The following RIF1 variants were observed in gnomAD, a reference collection of about 807,000 sequenced individuals.
The protein encoded by RIF1 is telomere-associated protein RIF1.
In RIF1, 45 loss-of-function variants were observed where a neutral mutation model predicts 247.1. That is an observed-to-expected ratio of 0.18 (90% CI 0.14 to 0.23). The LOEUF (loss-of-function observed/expected upper bound fraction) is 0.23, where lower values mean the gene tolerates loss of function less well. RIF1 is among the 10% of genes least tolerant of loss of function. The pLI is 1.00. For missense variants in RIF1, 2,967 were observed against 2,862.5 expected (o/e 1.04, Z -0.83); for synonymous variants, 1,087 against 978.8 (o/e 1.11, Z -2.06).
At chr2:151,499,544 A>G (rs2062854754) in intron 11 of RIF1, 1 of 521,934 alleles carries the variant, frequency 1.9e-6, no homozygotes. Context: ...GATCTGGGTG[A>G]GAACATGTTT....
the RIF1 span, chr2:151,513,711 G>GA: frequency 7.7e-3 from 10,110 of 1,319,760 alleles, 5 homozygotes; most frequent in African/African-American, 0.021. Context: ...AGCATTAAAA[G>GA]AAAAAAAAAA....
At chr2:151,459,077 C>T (rs989029207) in intron 25 of RIF1, among the ~76,000 whole-genome samples, 167 bp downstream of exon 25, 2 of 152,132 alleles carry the variant, frequency 1.3e-5, no homozygotes, top group African/African-American at 4.8e-5. Context: ...ACTAGAGATT[C>T]TCATGTAAAT....
chr2:151,433,325 A>C (rs1010777767), intron 10 of RIF1, 97 bp downstream of exon 10: 1 of 918,224 alleles, frequency 1.1e-6, no homozygotes, highest in Non-Finnish European at 1.6e-6. Context: ...TTTGCTATTT[A>C]TTAGCAGACT....
rs143852417 is a variant in RIF1, at chr2:151,443,633, A to G, written c.1910A>G (p.Lys637Arg). 9.6e-4 allele frequency: 1,547 copies of G among 1,612,196 alleles called. 1 individual carries two copies. Among genetic ancestry groups the G allele is most frequent in the Non-Finnish European group, 1.2e-3 (1,468 of 1,179,426 alleles). Residue 637 changes from lysine to arginine, a missense_variant, in exon 18 of 36, where the codon AAG (lysine) becomes AGG (arginine). This residue lies in a region of RIF1 where 369 missense variants were observed against 322.0 expected (regional missense o/e 1.15). Transcript: ENST00000444746. ...SVLNVINQNA[K>R]QLENKEHLWK... ...TTAAATGTTATTAATCAAAATGCAAAGCAGTTGGAAAATAAGGAGCATCTC... is the reference window on the plus strand; with the variant it reads ...TTAAATGTTATTAATCAAAATGCAAGGCAGTTGGAAAATAAGGAGCATCTC...
intron 24 of RIF1, 100 bp downstream of exon 24, chr2:151,458,063 C>T (rs1190011255): frequency 1.2e-5 from 9 of 777,396 alleles, no homozygotes; most frequent in Non-Finnish European, 1.9e-5. Flanking sequence ...GGTATTGTTA[C>T]AGAGGATTCC....
chr2:151,479,460 CTAAA>C lies in RIF1; in HGVS notation c.*4395_*4398del, dbSNP rs1039537370. On this transcript the variant is annotated 3_prime_UTR_variant, in exon 36 of 36. Transcript: ENST00000444746. ...CTAAGTATTAGAATATATTTAGTCT[CTAAA>C]TAAATCTTGCCTTCTATTATGGATC... 3 of 152,058 alleles carry C rather than the reference CTAAA, an allele frequency of 2.0e-5. No individual in the cohort carries two copies. The highest frequency in any genetic ancestry group is 2.1e-4 in the South Asian group (1 of 4,830). 9.4% of individuals were successfully genotyped at this position (152,058 alleles called of 1,614,324 possible).
chr2:151,531,161 T>C, the RIF1 span: 1 of 1,139,806 alleles, frequency 8.8e-7, no homozygotes. Context: ...AATATCAAAA[T>C]ATAAATGCAA....
chr2:151,490,573 A>G (rs1030792299), intron 9 of RIF1: 88 of 1,569,106 alleles, frequency 5.6e-5, no homozygotes, highest in Non-Finnish European at 7.1e-5. Flanking sequence ...CTATGGTAGT[A>G]ATGCCTAACA....
intron 9 of RIF1, chr2:151,491,300 G>C (rs765709905): frequency 3.5e-5 from 6 of 172,384 alleles, no homozygotes; most frequent in Non-Finnish European, 6.2e-5. Flanking sequence ...AGCCTGCTTT[G>C]TGTAATGAAT....
chr2:151,470,491 T>G (rs577935050), intron 34 of RIF1, among the ~76,000 whole-genome samples: 18 of 152,282 alleles, frequency 1.2e-4, no homozygotes, highest in African/African-American at 4.1e-4. Flanking sequence ...CTTGCCAGTT[T>G]AGCAGCCCTA....
chr2:151,438,227 T>C lies in RIF1; in HGVS notation c.1484-457T>C, dbSNP rs556174235. ...ACATGGTAGCGCATGCCTGTAATCC[T>C]GGCAGTTTGGGAGAGGCTAAGGTGG... is the stretch of plus-strand genomic sequence containing the variant. On this transcript the variant is annotated intron_variant, in intron 13 of 35. Transcript: ENST00000444746. 1.5e-3 allele frequency among the ~76,000 whole-genome samples: 231 copies of C among 152,312 alleles called. 1 individual carries two copies. The highest frequency in any genetic ancestry group is 2.9e-3 in the Non-Finnish European group (199 of 68,014).
At chr2:151,439,024 A>G (rs1343830826) in intron 14 of RIF1, among the ~76,000 whole-genome samples, 1 of 152,232 alleles carries the variant, frequency 6.6e-6, no homozygotes, top group East Asian at 1.9e-4. Context: ...CTTGCTGATA[A>G]CATAAATAGC....
chr2:151,425,762 G>A (rs1389897352), intron 8 of RIF1, among the ~76,000 whole-genome samples: 1 of 146,908 alleles, frequency 6.8e-6, no homozygotes, highest in Non-Finnish European at 1.5e-5. Flanking sequence ...TGTCTCCTGG[G>A]TTCAAGCAAT....
At chr2:151,527,399 T>G in the RIF1 span, 1 of 1,082,994 alleles carries the variant, frequency 9.2e-7, no homozygotes, top group Non-Finnish European at 1.4e-6. Context: ...ACACTCATGA[T>G]AGTGGTTATT....
chr2:151,492,446 A>C (rs1202029920), intron 9 of RIF1: 1 of 1,613,282 alleles, frequency 6.2e-7, no homozygotes, highest in Non-Finnish European at 8.5e-7. Flanking sequence ...TCCAATACAT[A>C]GGCAGCTTTG....
rs763870394 is a variant in RIF1, at chr2:151,496,267, G to A, written c.*513+941G>A. 9 of 1,593,662 alleles carry A rather than the reference G, an allele frequency of 5.6e-6. No homozygotes were observed. The highest frequency in any genetic ancestry group is 2.2e-5 in the South Asian group (2 of 88,970). On this transcript the variant is annotated intron_variant and NMD_transcript_variant, in intron 10 of 13. Transcript: ENST00000454583. ...CAGTAAGTAGTTTTTTTCTTTTCTC[G>A]CCAAGTACCGAGCTAATATTTTCTT... is the stretch of plus-strand genomic sequence containing the variant.
intron 8 of RIF1, 40 bp downstream of exon 8, chr2:151,423,082 G>T (rs1260406875): frequency 9.6e-7 from 1 of 1,040,930 alleles, no homozygotes; most frequent in East Asian, 2.4e-5. Context: ...GTTTTTACAT[G>T]CTGGACTCTT....
In RIF1 at chr2:151,464,118, G is replaced by C. The variant is rs781763705; in HGVS notation, c.4598G>C (p.Arg1533Pro). Residue 1533 changes from arginine to proline, a missense_variant, in exon 30 of 36, where the codon CGA becomes CCA. Transcript: ENST00000444746. The part of the protein sequence containing the change: ...DKSSEKLVRG[R>P]TRYQTRRASQ... ...TCCTCTGAGAAACTAGTCAGAGGCC[G>C]AACACGGTATCAAACTAGAAGAGCA... 6 of 1,612,186 alleles carry C rather than the reference G, an allele frequency of 3.7e-6. No homozygotes were observed. Among genetic ancestry groups the C allele is most frequent in the Middle Eastern group, 1.7e-4 (1 of 6,040 alleles).
intron 18 of RIF1, 115 bp from the exon 19 acceptor site, chr2:151,445,223 G>T: frequency 1.5e-6 from 1 of 684,594 alleles, no homozygotes; most frequent in South Asian, 1.7e-5. Flanking sequence ...AACTTATTTT[G>T]AATCTCATCA....
Sources: gnomAD v4.1 joint callset for allele counts (sites outside exome capture counted in the v4.1 genomes callset) on GRCh38, gnomAD v4.1.1 for gene constraint, gnomAD v4.1.1 regional missense constraint, MANE v1.5 for transcripts, NCBI Gene and HGNC (gene_info 2026-07-23, HGNC 2026-07-21) for gene names.